LRRC49: variants seen among roughly 807,000 people sequenced by gnomAD.
LRRC49 encodes the protein leucine-rich repeat-containing protein 49.
Under a neutral mutation model 83.3 loss-of-function variants are expected in LRRC49, and 50 were observed. The observed-to-expected ratio is 0.60, with a 90% CI of 0.48 to 0.76. LRRC49 has a LOEUF of 0.76. Ranked by LOEUF, LRRC49 falls within the 30% of genes least tolerant of loss-of-function variation. The pLI, the probability that LRRC49 is intolerant of heterozygous loss-of-function variation, is 0.00. For synonymous variants in LRRC49, 286 were observed against 283.3 expected (o/e 1.01, Z -0.10); for missense variants, 704 against 809.1 (o/e 0.87, Z 1.58).
intron 9 of LRRC49, among the ~76,000 whole-genome samples, chr15:70,979,512 A>T (rs145370303): frequency 6.6e-6 from 1 of 152,032 alleles, no homozygotes; most frequent in Admixed American, 6.6e-5. Context: ...TGCCAAGATT[A>T]CAATACAAGA....
chr15:70,873,996 C>T lies in LRRC49; in HGVS notation c.18+773C>T, dbSNP rs1219649341. ...GGGATTGAGATGTCAAGGATACAGTCCTTGACTGTAGAAACTCTACATTTC... is the reference window on the plus strand; with the variant it reads ...GGGATTGAGATGTCAAGGATACAGTTCTTGACTGTAGAAACTCTACATTTC... On this transcript the variant is annotated intron_variant, in intron 2 of 16. Coordinates refer to the LRRC49 transcript ENST00000544974. 2.0e-5 allele frequency among the ~76,000 whole-genome samples: 3 copies of T among 152,138 alleles called. No homozygotes were observed. In the East Asian group the frequency reaches 5.8e-4, roughly 29 times the overall value.
chr15:70,931,979 A>G (rs751567509), intron 7 of LRRC49, among the ~76,000 whole-genome samples: 7 of 152,202 alleles, frequency 4.6e-5, no homozygotes, highest in Admixed American at 3.3e-4. Context: ...TGATTTCCTC[A>G]AAGCTGTTAA....
chr15:70,854,154 G>T (rs2032583183), intron 1 of LRRC49: 3 of 1,149,264 alleles, frequency 2.6e-6, no homozygotes, highest in South Asian at 4.2e-5. Context: ...GGTCGGCAGC[G>T]ACTGCGACGA....
intron 6 of LRRC49, among the ~76,000 whole-genome samples, chr15:70,916,170 T>A (rs1354736070): frequency 6.6e-6 from 1 of 152,210 alleles, no homozygotes; most frequent in Non-Finnish European, 1.5e-5. Flanking sequence ...ACACTTGCTC[T>A]ATTATAATAG....
intron 5 of LRRC49, among the ~76,000 whole-genome samples, chr15:70,905,883 G>A (rs1435171665): frequency 6.6e-6 from 1 of 152,112 alleles, no homozygotes; most frequent in African/African-American, 2.4e-5. Context: ...ATCCAAAAAG[G>A]GAAGGGATAG....
chr15:71,048,399 A>G (rs914328729), intron 15 of LRRC49, among the ~76,000 whole-genome samples: 1 of 152,088 alleles, frequency 6.6e-6, no homozygotes, highest in Non-Finnish European at 1.5e-5. Flanking sequence ...CTGGCTTATG[A>G]TATTTTAAAT....
At chr15:70,942,883 C>T (rs1161228219) in intron 8 of LRRC49, among the ~76,000 whole-genome samples, 1 of 152,176 alleles carries the variant, frequency 6.6e-6, no homozygotes, top group East Asian at 1.9e-4. Flanking sequence ...AGCCCTCTGT[C>T]AGAAGCAAAA....
intron 11 of LRRC49, among the ~76,000 whole-genome samples, chr15:70,991,163 C>T (rs1039829004): frequency 6.6e-6 from 1 of 152,156 alleles, no homozygotes; most frequent in Non-Finnish European, 1.5e-5. Context: ...CTCTTTTCTT[C>T]TATGATACAT....
chr15:71,038,662 A>G (rs2039601191), intron 15 of LRRC49, among the ~76,000 whole-genome samples: 2 of 152,166 alleles, frequency 1.3e-5, no homozygotes, highest in South Asian at 2.1e-4. Context: ...ATTGTTGTCT[A>G]TCACAGAACA....
At chr15:70,995,894 C>T (rs1011291429) in intron 11 of LRRC49, among the ~76,000 whole-genome samples, 1 of 152,042 alleles carries the variant, frequency 6.6e-6, no homozygotes, top group Non-Finnish European at 1.5e-5. Context: ...ATTAGGAGTT[C>T]CACAAAGTCG....
chr15:70,885,221 AC>A (rs890030647), intron 2 of LRRC49, among the ~76,000 whole-genome samples: 3 of 152,204 alleles, frequency 2.0e-5, no homozygotes, highest in African/African-American at 7.2e-5. Context: ...GCAGAAAGAG[AC>A]AAAAGGAAAA....
chr15:70,965,262 AT>A lies in LRRC49; in HGVS notation c.921+1333del, dbSNP rs2036755161. Reference sequence around the variant, plus strand: ...ATGGTATGTTCCTCATAGTGAATTTATTTGTCAGTCTTGTCTACCCAAACAA... The same window carrying A: ...ATGGTATGTTCCTCATAGTGAATTTATTGTCAGTCTTGTCTACCCAAACAA... On this transcript the variant is annotated intron_variant, in intron 9 of 15. Coordinates refer to ENST00000260382, the MANE Select transcript of LRRC49 (RefSeq NM_017691.5). 2.6e-5 allele frequency among the ~76,000 whole-genome samples: 4 copies of A among 152,212 alleles called. No individual in the cohort carries two copies. In the South Asian group the frequency reaches 8.3e-4, roughly 32 times the overall value.
chr15:70,894,247 A>G (rs2033725643), intron 2 of LRRC49, among the ~76,000 whole-genome samples: 1 of 152,136 alleles, frequency 6.6e-6, no homozygotes, highest in Non-Finnish European at 1.5e-5. Context: ...ATGGCATGTC[A>G]TAGTTTAATT....
In LRRC49 at chr15:70,904,504, G is replaced by A. The variant is rs770256478; in HGVS notation, c.297-48G>A. 4 of 1,229,406 alleles carry A rather than the reference G, an allele frequency of 3.3e-6. No individual in the cohort carries two copies. The South Asian group carries it at 3.8e-5, about 12-fold the overall frequency. 76.2% of individuals were successfully genotyped at this position (1,229,406 alleles called of 1,614,324 possible). ...CTACTAATAATATTTGTAAGAAGAG[G>A]TAAGTGGCTGAATCATAACCTAATT... On this transcript the variant is annotated intron_variant, in intron 4 of 15. Transcript: ENST00000260382.
At chr15:70,863,245 C>G (rs982157851) in intron 1 of LRRC49, among the ~76,000 whole-genome samples, 5 of 152,302 alleles carry the variant, frequency 3.3e-5, no homozygotes, top group African/African-American at 1.2e-4. Flanking sequence ...TGAGTCATAT[C>G]TCTGAAGATA....
At chr15:70,904,003 C>A in intron 4 of LRRC49, among the ~76,000 whole-genome samples, 1 of 151,986 alleles carries the variant, frequency 6.6e-6, no homozygotes, top group East Asian at 1.9e-4. Flanking sequence ...ACCACTTTGC[C>A]ATTAATGGAT....
intron 13 of LRRC49, among the ~76,000 whole-genome samples, chr15:71,011,964 G>T (rs945762591): frequency 6.6e-6 from 1 of 152,030 alleles, no homozygotes; most frequent in Non-Finnish European, 1.5e-5. Flanking sequence ...ATAATTCTTT[G>T]TTGTGGGGGC....
chr15:71,006,313 A>G (rs559987413), intron 11 of LRRC49, among the ~76,000 whole-genome samples: 1 of 152,286 alleles, frequency 6.6e-6, no homozygotes, highest in East Asian at 1.9e-4. Flanking sequence ...AATTATGTGG[A>G]AAAAGAAAAG....
At chr15:70,947,951 G>A (rs1596054424) in intron 8 of LRRC49, among the ~76,000 whole-genome samples, 1 of 152,164 alleles carries the variant, frequency 6.6e-6, no homozygotes, top group East Asian at 1.9e-4. Context: ...GGAAAGGGGT[G>A]TTTTATTACC....
Sources: gnomAD v4.1 joint callset for allele counts (sites outside exome capture counted in the v4.1 genomes callset) on GRCh38, gnomAD v4.1.1 for gene constraint, MANE v1.5 for transcripts, NCBI Gene and HGNC (gene_info 2026-07-23, HGNC 2026-07-21) for gene names.